PSMG4: variants seen among roughly 807,000 people sequenced by gnomAD.
PSMG4 encodes proteasome assembly chaperone 4, also known as proteasome (prosome, macropain) assembly chaperone 4.
In PSMG4, 10 loss-of-function variants were observed where a neutral mutation model predicts 11.0. That is an observed-to-expected ratio of 0.91 (90% confidence interval 0.56 to 1.54). The LOEUF (loss-of-function observed/expected upper bound fraction) is 1.54. Among genes scored for constraint, PSMG4 ranks in the 40% most tolerant of loss-of-function variants. The pLI is 0.00. For missense variants in PSMG4, 198 were observed against 160.9 expected (o/e 1.23, Z -1.25); for synonymous variants, 95 against 71.3 (o/e 1.33, Z -1.68).
At chr6:3,264,303 C>G in intron 2 of PSMG4, 1 of 1,551,132 alleles carries the variant, frequency 6.4e-7, no homozygotes, top group Non-Finnish European at 8.7e-7. Context: ...TTCCCACACC[C>G]CAACACACTT....
At chr6:3,255,377 G>A (rs1322476983), upstream of PSMG4, 5 of 1,406,610 alleles carry the variant, frequency 3.6e-6, no homozygotes, top group African/African-American at 1.4e-5. Flanking sequence ...GGTGGATGAT[G>A]TTTGTTGAGT....
At chr6:3,259,368 C>T (rs1183520770) in intron 1 of PSMG4, among the ~76,000 whole-genome samples, 172 bp downstream of exon 1, 3 of 152,322 alleles carry the variant, frequency 2.0e-5, no homozygotes, top group South Asian at 2.1e-4. Context: ...CCTGCACCAC[C>T]TCGGGAGCTG....
At chr6:3,257,951 A>G (rs112926586), upstream of PSMG4, among the ~76,000 whole-genome samples, 41 of 152,260 alleles carry the variant, frequency 2.7e-4, no homozygotes, top group Admixed American at 9.8e-4. Flanking sequence ...GAACTATGGA[A>G]AATGCCCTCT....
At chr6:3,267,241 G>A (rs181333206) in intron 2 of PSMG4, 23 of 204,318 alleles carry the variant, frequency 1.1e-4, no homozygotes, top group East Asian at 6.8e-4. Context: ...TAAGCAGTGC[G>A]GGGCACCTGC....
chr6:3,260,665 C>G (rs1447306516), intron 1 of PSMG4, among the ~76,000 whole-genome samples: 1 of 152,198 alleles, frequency 6.6e-6, no homozygotes, highest in East Asian at 1.9e-4. Context: ...TTTACATCTG[C>G]AGAGACCCTG....
intron 1 of PSMG4, among the ~76,000 whole-genome samples, chr6:3,262,640 C>G (rs1462389985): frequency 1.3e-5 from 2 of 152,120 alleles, no homozygotes; most frequent in Admixed American, 1.3e-4. Flanking sequence ...CCCACCAGGA[C>G]AGTTGGGGTG....
In PSMG4 at chr6:3,267,664, A is replaced by G. The variant is rs771396501; in HGVS notation, c.324A>G (p.Val108=). The change falls in exon 3 of 3, where the codon GTA becomes GTG. Residue 108 remains valine (V), a synonymous_variant. Coordinates refer to ENST00000438998, the MANE Select transcript of PSMG4 (RefSeq NM_001128591.2). The part of the protein sequence containing the change: ...QNTDSNFALL[V]ENRIKEEMEA... The stretch of plus-strand genomic sequence containing the variant: ...CAGACAGTAACTTCGCATTACTTGT[A>G]GAAAACAGGATCAAGGAAGAGATGG... 20 of 1,552,192 alleles carry G rather than the reference A, an allele frequency of 1.3e-5. No individual in the cohort carries two copies. The highest frequency in any genetic ancestry group is 3.3e-4 in the Middle Eastern group (2 of 6,018).
chr6:3,254,925 C>G (rs79292108), upstream of PSMG4: 3 of 1,059,378 alleles, frequency 2.8e-6, no homozygotes, highest in Non-Finnish European at 2.7e-6. Context: ...GTGCTTCAGC[C>G]ATTCTCTCAC....
chr6:3,257,220 G>C (rs1757795151), upstream of PSMG4, among the ~76,000 whole-genome samples: 1 of 152,180 alleles, frequency 6.6e-6, no homozygotes, highest in African/African-American at 2.4e-5. Context: ...GCATAGTCAA[G>C]GGGAGTGAGA....
upstream of PSMG4, among the ~76,000 whole-genome samples, chr6:3,254,884 C>T (rs947306761): frequency 1.3e-5 from 2 of 151,636 alleles, no homozygotes; most frequent in African/African-American, 4.9e-5. Flanking sequence ...GAGGGTGACT[C>T]CGACCTTGTA....
intron 2 of PSMG4, chr6:3,264,048 A>G: frequency 7.0e-7 from 1 of 1,418,694 alleles, no homozygotes; most frequent in East Asian, 2.5e-5. Context: ...CCGTAAGTGC[A>G]TCACCACCTC....
At chr6:3,266,221 A>ACCTGCG in intron 2 of PSMG4, 1 of 151,622 alleles carries the variant, frequency 6.6e-6, no homozygotes, top group South Asian at 2.1e-4. Context: ...CTGCGCCTGC[A>ACCTGCG]CCTGCGCCCC....
intron 1 of PSMG4, 40 bp downstream of exon 1, chr6:3,259,236 G>C: frequency 8.0e-7 from 1 of 1,248,810 alleles, no homozygotes; most frequent in African/African-American, 1.6e-5. Context: ...GGCGGGGCGG[G>C]GGCGCGGGGG....
chr6:3,267,263 C>G (rs1317423482), intron 2 of PSMG4: 1 of 231,648 alleles, frequency 4.3e-6, no homozygotes, highest in Non-Finnish European at 8.6e-6. Flanking sequence ...GGATCTGTTC[C>G]AGCAGACAGC....
rs1205654721 is a variant in PSMG4, at chr6:3,263,147, G to A, written c.175-537G>A. ...AGTTATTTTCCCTATTTAGATGCTG[G>A]TGGCTGGTGCCCTTTGTATCAAAGT... On this transcript the variant is annotated intron_variant, in intron 1 of 2. Transcript: ENST00000438998. 5.4e-5 allele frequency among the ~76,000 whole-genome samples: 4 copies of A among 74,112 alleles called. No homozygotes were observed. In the East Asian group the frequency reaches 1.5e-3, roughly 27 times the overall value. 48.6% of individuals were successfully genotyped at this position (74,112 alleles called of 152,430 possible).
intron 1 of PSMG4, among the ~76,000 whole-genome samples, chr6:3,260,199 G>A (rs1460746942): frequency 1.4e-5 from 1 of 69,174 alleles, no homozygotes; most frequent in African/African-American, 3.2e-5. Flanking sequence ...TCCTCAGTGA[G>A]CCCGACTCTT....
chr6:3,267,610 G>C lies in PSMG4; in HGVS notation c.270G>C (p.Gln90His), dbSNP rs928060438. The change falls in exon 3 of 3, where the codon CAG becomes CAC. Residue 90 changes from glutamine to histidine, a missense_variant. By Grantham distance (24) the Gln-to-His change is conservative (BLOSUM62 0). Transcript: ENST00000438998. ...TTTTAGCCAGGAAGACCAACAAACA[G>C]GTGTTTGTCAGCTATAACCTTCAGA... Reference protein sequence around the residue: ...AQRLARKTNKQVFVSYNLQNT... With the variant: ...AQRLARKTNKHVFVSYNLQNT... 1.9e-6 allele frequency: 3 copies of C among 1,551,600 alleles called. No homozygotes were observed. Among genetic ancestry groups the C allele is most frequent in the African/African-American group, 1.4e-5 (1 of 73,028 alleles).
upstream of PSMG4, chr6:3,255,062 C>T (rs763070710): frequency 3.2e-5 from 50 of 1,550,938 alleles, no homozygotes; most frequent in East Asian, 4.9e-5. Flanking sequence ...AACAAACACA[C>T]TTGGAATATG....
At chr6:3,264,224 C>T in intron 2 of PSMG4, 1 of 1,551,624 alleles carries the variant, frequency 6.4e-7, no homozygotes. Flanking sequence ...GGAGGGAAGA[C>T]TGGCCTGGCC....
Sources: gnomAD v4.1 joint callset for allele counts (sites outside exome capture counted in the v4.1 genomes callset) on GRCh38, gnomAD v4.1.1 for gene constraint, MANE v1.5 for transcripts, NCBI Gene and HGNC (gene_info 2026-07-23, HGNC 2026-07-21) for gene names.